The following EXO1 variants were observed in gnomAD, a reference collection of about 807,000 sequenced individuals.
EXO1 encodes exonuclease 1.
A neutral mutation model predicts 84.5 loss-of-function variants in EXO1; 69 were observed. The observed-to-expected ratio is 0.82, with a 90% CI of 0.67 to 1.00. The LOEUF is 1.00. Ranked by LOEUF, EXO1 falls within the 50% of genes least tolerant of loss-of-function variation. The probability of loss-of-function intolerance (pLI) is 0.00; values close to 1 mark genes in which losing one functional copy is unlikely to be tolerated. For synonymous variants in EXO1, 373 were observed against 366.1 expected (o/e 1.02, Z -0.21); for missense variants, 1,045 against 1,000.7 (o/e 1.04, Z -0.60).
In EXO1 at chr1:241,878,861, G is replaced by A; in HGVS notation, c.1627G>A (p.Gly543Arg). The part of the protein sequence containing the change: ...KENNLHESEY[G>R]DQEGKRLVDT... Reference sequence around the variant, plus strand: ...GAACAATCTGCATGAATCAGAGTATGGAGACCAAGAAGGCAAGAGACTGGT... The same window carrying A: ...GAACAATCTGCATGAATCAGAGTATAGAGACCAAGAAGGCAAGAGACTGGT... The change falls in exon 13 of 16, where the codon GGA becomes AGA. Residue 543 changes from glycine (G) to arginine (R), a missense_variant. Coordinates refer to ENST00000366548, the MANE Select transcript of EXO1 (RefSeq NM_130398.4). 6.2e-7 allele frequency: 1 copy of A among 1,614,012 alleles called. No homozygotes were observed. Among genetic ancestry groups the A allele is most frequent in the Non-Finnish European group, 8.5e-7 (1 of 1,179,906 alleles).
chr1:241,853,417 A>G lies in EXO1; in HGVS notation c.341A>G (p.Glu114Gly). The G allele has an allele frequency of 6.2e-7, 1 of 1,613,852 alleles. No individual in the cohort carries two copies. Among genetic ancestry groups the G allele is most frequent in the Non-Finnish European group, 8.5e-7 (1 of 1,179,740 alleles). Residue 114 changes from glutamate to glycine, a missense_variant, in exon 6 of 16, where the codon GAA becomes GGA. Coordinates refer to ENST00000366548, the MANE Select transcript of EXO1 (RefSeq NM_130398.4). ...KQLLREGKVSEARECFTRSIN... is the reference protein window; with the variant it reads ...KQLLREGKVSGARECFTRSIN... Reference sequence around the variant, plus strand: ...CTTCTTCGTGAGGGGAAAGTCTCGGAAGCTCGAGAGTGTTTCACCCGGTCT... The same window carrying G: ...CTTCTTCGTGAGGGGAAAGTCTCGGGAGCTCGAGAGTGTTTCACCCGGTCT...
intron 12 of EXO1, 24 bp downstream of exon 12, chr1:241,872,302 T>G (rs768348562): frequency 1.7e-5 from 28 of 1,610,984 alleles, no homozygotes; most frequent in Non-Finnish European, 2.3e-5. Flanking sequence ...TCCAGAATGT[T>G]GATTGTCTGT....
chr1:241,849,425 C>T (rs951009117), intron 3 of EXO1, among the ~76,000 whole-genome samples: 24 of 151,952 alleles, frequency 1.6e-4, no homozygotes, highest in African/African-American at 5.1e-4. Context: ...GGGCTGCAAC[C>T]GGAATGGAAG....
Position 241,873,537 on chromosome 1 carries a change from A to G in EXO1, c.1514+1259A>G, listed in dbSNP as rs551378742. On this transcript the variant is annotated intron_variant, in intron 12 of 15. Coordinates refer to ENST00000366548, the MANE Select transcript of EXO1 (RefSeq NM_130398.4). ...TTGTTTTCTTTGAGGGCTTCATACA[A>G]TTTTGCAAAGTATTTTCAGAAATAT... Among the ~76,000 whole-genome samples the G allele has an allele frequency of 3.3e-5, 5 of 151,982 alleles. No homozygotes were observed. The South Asian group carries it at 8.3e-4, about 25-fold the overall frequency.
At position 241,860,497 on chromosome 1, in the gene EXO1, AT is replaced by A. The variant is rs762115852; in HGVS notation, c.757-15del. The A allele has an allele frequency of 1.3e-6, 2 of 1,575,842 alleles. No homozygotes were observed. The highest frequency in any genetic ancestry group is 2.2e-5 in the South Asian group (2 of 90,180). Reference sequence around the variant, plus strand: ...CCTGTTCTTTAGTTGCAGATAAAATATTTTTGCATGCATTGTTAGGTTATCA... The same window carrying A: ...CCTGTTCTTTAGTTGCAGATAAAATATTTTGCATGCATTGTTAGGTTATCA... On this transcript the variant is annotated intron_variant, in intron 8 of 15. Coordinates refer to ENST00000366548, the MANE Select transcript of EXO1 (RefSeq NM_130398.4).
At position 241,858,681 on chromosome 1, in the gene EXO1, A is replaced by T; in HGVS notation, c.719A>T (p.Lys240Ile). 3 of 1,613,998 alleles carry T rather than the reference A, an allele frequency of 1.9e-6. No individual in the cohort carries two copies. Among genetic ancestry groups the T allele is most frequent in the Non-Finnish European group, 1.7e-6 (2 of 1,179,850 alleles). The change falls in exon 8 of 16, where the codon AAA becomes ATA. Residue 240 changes from lysine to isoleucine, a missense_variant. Physicochemically the swap from Lys to Ile is moderately radical, Grantham distance 102. Transcript: ENST00000366548. ...LRGIGLAKAC[K>I]VLRLANNPDI... ...GGGATTGGATTAGCAAAGGCATGCA[A>T]AGTCCTAAGACTAGCCAATAATCCA...
At chr1:241,879,917 T>C (rs1445879166) in intron 13 of EXO1, among the ~76,000 whole-genome samples, 2 of 150,284 alleles carry the variant, frequency 1.3e-5, no homozygotes, top group East Asian at 3.9e-4. Context: ...TGAGGCAGGG[T>C]AATTATTTGA....
chr1:241,866,953 C>T lies in EXO1; in HGVS notation c.1165C>T (p.Gln389Ter), dbSNP rs199674255. The T allele has an allele frequency of 3.7e-6, 6 of 1,613,942 alleles. No individual in the cohort carries two copies. In the Admixed American group the frequency reaches 8.3e-5, roughly 22 times the overall value. ...GTCGGGTACTGTTTCAGATGCCCCA[C>T]AATTGAAGGAAAATCCAAGTACTGT... Reference protein sequence around the residue: ...PESGTVSDAPQLKENPSTVGV... With the variant: ...PESGTVSDAP Residue 389 changes from glutamine to a stop codon, truncating the protein, a stop_gained, in exon 11 of 16, where the codon CAA becomes TAA. Coordinates refer to ENST00000366548, the MANE Select transcript of EXO1 (RefSeq NM_130398.4). LOFTEE classifies it high-confidence loss of function.
intron 5 of EXO1, 22 bp from the exon 6 acceptor site, chr1:241,853,336 A>T (rs775266335): frequency 3.1e-6 from 5 of 1,611,704 alleles, no homozygotes; most frequent in East Asian, 2.2e-5. Context: ...TTTTATATTT[A>T]AAAAATGTTC....
chr1:241,880,125 T>C (rs186385120), intron 13 of EXO1, among the ~76,000 whole-genome samples: 3 of 152,336 alleles, frequency 2.0e-5, no homozygotes, highest in African/African-American at 7.2e-5. Context: ...TTATTCCTTC[T>C]AAATTTCTCC....
chr1:241,873,213 A>G (rs551347464), intron 12 of EXO1, among the ~76,000 whole-genome samples: 5 of 152,034 alleles, frequency 3.3e-5, no homozygotes, highest in African/African-American at 1.2e-4. Flanking sequence ...TCCTAATGCT[A>G]TCCCTCCTCC....
intron 6 of EXO1, among the ~76,000 whole-genome samples, chr1:241,856,051 T>TCAAGTGCC (rs1558124174): frequency 6.6e-6 from 1 of 152,034 alleles, no homozygotes; most frequent in Non-Finnish European, 1.5e-5. Flanking sequence ...GCTGAAGGGC[T>TCAAGTGCC]CAAGTGCCGC....
In EXO1 at chr1:241,879,236, C is replaced by T. The variant is rs1006188366; in HGVS notation, c.2002C>T (p.Arg668Ter). Residue 668 changes from arginine to a stop codon, truncating the protein, a stop_gained, in exon 13 of 16, where the codon CGA becomes TGA. Transcript: ENST00000366548. LOFTEE classifies it high-confidence loss of function. Reference protein sequence around the residue: ...ESSDDESHPLREEACSSQSQE... With the variant: ...ESSDDESHPL The stretch of plus-strand genomic sequence containing the variant: ...CAGTGACGATGAGTCTCATCCCTTA[C>T]GAGAAGAGGCATGTTCTTCACAGTC... The T allele has an allele frequency of 1.7e-5, 27 of 1,598,750 alleles. No individual in the cohort carries two copies. Among genetic ancestry groups the T allele is most frequent in the East Asian group, 4.5e-5 (2 of 44,728 alleles).
rs4149979 is a variant in EXO1, at chr1:241,879,217, C to T, written c.1983C>T (p.Asp661=). 2,735 of 1,601,040 alleles carry T rather than the reference C, an allele frequency of 1.7e-3. 4 individuals are homozygous for T. Among genetic ancestry groups the T allele is most frequent in the Non-Finnish European group, 2.1e-3 (2,416 of 1,171,364 alleles). ...AGTTAAAGAGCGAGGAGTCCAGTGA[C>T]GATGAGTCTCATCCCTTACGAGAAG... ...VSQLKSEESS[D]DESHPLREEA... is the part of the protein sequence containing the mutation. Residue 661 remains aspartate, a synonymous_variant, in exon 13 of 16, where the codon GAC becomes GAT. Transcript: ENST00000366548.
intron 12 of EXO1, among the ~76,000 whole-genome samples, chr1:241,876,061 G>C (rs116729491): frequency 0.011 from 1,647 of 152,224 alleles, 35 homozygotes; most frequent in African/African-American, 0.038. Context: ...TCTCTACAGG[G>C]CTCGCCTATT....
chr1:241,878,065 A>G (rs767119093), intron 12 of EXO1, among the ~76,000 whole-genome samples: 1 of 152,248 alleles, frequency 6.6e-6, no homozygotes, highest in Non-Finnish European at 1.5e-5. Flanking sequence ...ATACAAAGAC[A>G]TGGGAAGTAC....
intron 4 of EXO1, among the ~76,000 whole-genome samples, chr1:241,851,990 C>G (rs1660696960): frequency 6.6e-6 from 1 of 152,018 alleles, no homozygotes; most frequent in African/African-American, 2.4e-5. Context: ...GGGGAAAGAC[C>G]AGATTTGAAA....
At position 241,889,681 on chromosome 1, in the gene EXO1, G is replaced by A. The variant is rs1197507738; in HGVS notation, c.*81G>A. On this transcript the variant is annotated 3_prime_UTR_variant, in exon 16 of 16. Coordinates refer to ENST00000366548, the MANE Select transcript of EXO1 (RefSeq NM_130398.4). ...CTGTTTGGGAATGAGGCACTTATCA[G>A]CATGAAGAATTTTTTCTCATTCTGT... The A allele has an allele frequency of 2.2e-6, 3 of 1,367,752 alleles. No individual in the cohort carries two copies. In the South Asian group the frequency reaches 3.5e-5, roughly 16 times the overall value. The allele number at this position is 1,367,752 out of a possible 1,614,324, so 84.7% of individuals were successfully genotyped here.
At chr1:241,870,814 C>T (rs1355989006) in intron 11 of EXO1, among the ~76,000 whole-genome samples, 2 of 152,146 alleles carry the variant, frequency 1.3e-5, no homozygotes, top group Non-Finnish European at 2.9e-5. Context: ...GTTTTGGTTA[C>T]AGTACGTTTG....
Sources: allele counts gnomAD v4.1 joint callset (sites outside exome capture counted in the v4.1 genomes callset), GRCh38; gene constraint gnomAD v4.1.1; transcripts MANE v1.5; gene names NCBI Gene and HGNC (gene_info 2026-07-23, HGNC 2026-07-21).